Variants in MPP3 observed in about 807,000 individuals in gnomAD.
MPP3 encodes MAGUK p55 subfamily member 3.
MPP3 carries 48 observed loss-of-function variants against 80.7 expected under a neutral mutation model. The ratio of observed to expected loss-of-function variants is 0.59; its 90% CI spans 0.47 to 0.76. The LOEUF (loss-of-function observed/expected upper bound fraction) is 0.76, where lower values mean the gene tolerates loss of function less well. Among genes scored for constraint, MPP3 ranks in the 30% least tolerant of loss-of-function variants. The pLI, the probability that MPP3 is intolerant of heterozygous loss-of-function variation, is 0.00. For synonymous variants in MPP3, 311 were observed against 297.6 expected, an observed-to-expected ratio of 1.04 and a Z score of -0.46; for missense variants, 620 against 763.0, an observed-to-expected ratio of 0.81 and a Z score of 2.21.
chr17:43,808,789 A>G (rs1345479742), intron 19 of MPP3, among the ~76,000 whole-genome samples, 167 bp downstream of exon 19: 1 of 145,828 alleles, frequency 6.9e-6, no homozygotes, highest in Non-Finnish European at 1.5e-5. Context: ...CTGGCCATGT[A>G]ATCATCTTCT....
intron 10 of MPP3, among the ~76,000 whole-genome samples, chr17:43,822,678 T>TTAAAAAAAAAA (rs563055525): frequency 1.7e-5 from 1 of 59,072 alleles, no homozygotes; most frequent in Non-Finnish European, 2.8e-5. Context: ...ACTCCCATCC[T>TTAAAAAAAAAA]AAAAAAAAAA....
chr17:43,831,842 T>C, intron 3 of MPP3, 40 bp downstream of exon 3: 1 of 1,582,112 alleles, frequency 6.3e-7, no homozygotes, highest in Middle Eastern at 2.1e-4. Context: ...GGCTCTTGTC[T>C]TCAGGACTGT....
rs1451519735 is a variant in MPP3 at position 43,814,215 on chromosome 17, G to A, written c.1156C>T (p.Arg386Cys). The A allele has an allele frequency of 2.5e-6, 4 of 1,613,496 alleles. No homozygotes were observed. The highest frequency in any genetic ancestry group is 4.5e-5 in the East Asian group (2 of 44,858). ...CACCTACCGATCAGAACCACCAGGC[G>A]GGGCCGCTCTCCGGGCTGGTGTTGG... is the stretch of plus-strand genomic sequence containing the variant. ...RYQHQPGERPRLVVLIGSLGA... is the reference protein window; with the variant it reads ...RYQHQPGERPCLVVLIGSLGA... The change falls in exon 15 of 20, where the codon CGC (arginine) becomes TGC (cysteine). Residue 386 changes from arginine (R) to cysteine (C), a missense_variant. By Grantham distance (180) the Arg-to-Cys change is radical (BLOSUM62 -3). Coordinates refer to ENST00000398389, the MANE Select transcript of MPP3 (RefSeq NM_001932.6).
chr17:43,802,127 C>A (rs901987146), intron 19 of MPP3, among the ~76,000 whole-genome samples: 29 of 152,134 alleles, frequency 1.9e-4, no homozygotes, highest in African/African-American at 7.0e-4. Context: ...CTCCTGAGGA[C>A]CTATGAACTC....
chr17:43,831,709 A>C, intron 3 of MPP3, 32 bp from the exon 4 acceptor site: 2 of 1,565,068 alleles, frequency 1.3e-6, no homozygotes, highest in Non-Finnish European at 1.8e-6. Context: ...AAAGGATAGC[A>C]AACGCAGTGG....
intron 7 of MPP3, among the ~76,000 whole-genome samples, chr17:43,828,991 A>C (rs2045839130): frequency 6.6e-6 from 1 of 152,238 alleles, no homozygotes; most frequent in Non-Finnish European, 1.5e-5. Context: ...AGTTGGAAAT[A>C]GAGAATGCCA....
chr17:43,814,361 G>GGT lies in MPP3; in HGVS notation c.1010-1_1010insAC (p.Ala337AspfsTer34). On this transcript the variant is annotated frameshift_variant and splice_region_variant. Coordinates refer to ENST00000398389, the MANE Select transcript of MPP3 (RefSeq NM_001932.6). LOFTEE classifies it high-confidence loss of function. Reference sequence around the variant, plus strand: ...CAGCCGGAAGCTCCTCCGAAGACCAGCTTGGGAGGAGGGGCAGAGGGACAC... The same window carrying GGT: ...CAGCCGGAAGCTCCTCCGAAGACCAGGTCTTGGGAGGAGGGGCAGAGGGACAC... The GGT allele has an allele frequency of 6.3e-7, 1 of 1,598,260 alleles. No individual in the cohort carries two copies. Among genetic ancestry groups the GGT allele is most frequent in the South Asian group, 1.1e-5 (1 of 90,036 alleles).
chr17:43,809,344 C>T (rs1002825319), intron 18 of MPP3, among the ~76,000 whole-genome samples: 3 of 152,178 alleles, frequency 2.0e-5, no homozygotes, highest in Non-Finnish European at 4.4e-5. Context: ...GAGACAGTTG[C>T]TGTCTCTCTT....
At chr17:43,825,922 C>CT (rs2045675508) in intron 8 of MPP3, 81 bp from the exon 9 acceptor site, 1 of 900,058 alleles carries the variant, frequency 1.1e-6, no homozygotes, top group African/African-American at 1.6e-5. Flanking sequence ...ACCACAGGGG[C>CT]CGGCCTGAGA....
At chr17:43,816,582 T>C (rs990637373) in intron 13 of MPP3, 95 bp downstream of exon 13, 25 of 1,177,548 alleles carry the variant, frequency 2.1e-5, no homozygotes, top group Non-Finnish European at 3.1e-5. Context: ...GGGGCACAGC[T>C]GCCCAGATAG....
chr17:43,823,914 G>A lies in MPP3; in HGVS notation c.684+17C>T, dbSNP rs1440317370. ...TCTCAAGCTGAGAGAGGGCACCGCGGACCCACCTCCCCATACCTTGCTCTC... is the reference window on the plus strand; with the variant it reads ...TCTCAAGCTGAGAGAGGGCACCGCGAACCCACCTCCCCATACCTTGCTCTC... On this transcript the variant is annotated intron_variant, in intron 10 of 19. Transcript: ENST00000398389. The A allele has an allele frequency of 6.2e-7, 1 of 1,600,462 alleles. No individual in the cohort carries two copies. The highest frequency in any genetic ancestry group is 2.3e-5 in the East Asian group (1 of 44,064).
intron 4 of MPP3, 90 bp downstream of exon 4, chr17:43,831,469 C>T: frequency 7.6e-7 from 1 of 1,312,888 alleles, no homozygotes. Context: ...CTTCCTGGGG[C>T]AGGGAGATGA....
intron 16 of MPP3, among the ~76,000 whole-genome samples, chr17:43,812,273 G>A (rs1366945321): frequency 6.6e-6 from 1 of 152,200 alleles, no homozygotes; most frequent in East Asian, 1.9e-4. Context: ...GAGGCACTGT[G>A]TCTTCTGGCC....
At chr17:43,832,008 T>G in intron 2 of MPP3, 65 bp from the exon 3 acceptor site, 1 of 987,238 alleles carries the variant, frequency 1.0e-6, no homozygotes, top group African/African-American at 1.6e-5. Context: ...ACAAACTGAC[T>G]ACACATCTAC....
chr17:43,815,992 T>C (rs8081646), intron 14 of MPP3, 46 bp downstream of exon 14: 295,214 of 1,454,020 alleles, frequency 0.2, 31,303 homozygotes, highest in Middle Eastern at 0.22. Context: ...TCTGGGGCCT[T>C]GGGTGGGGCA....
intron 16 of MPP3, 95 bp from the exon 17 acceptor site, chr17:43,811,300 C>T: frequency 1.1e-6 from 1 of 914,878 alleles, no homozygotes; most frequent in African/African-American, 1.6e-5. Flanking sequence ...GAGTTCACTG[C>T]TGCTGTGTCT....
chr17:43,830,158 A>G (rs756543727), intron 5 of MPP3, 51 bp from the exon 6 acceptor site: 156 of 1,368,888 alleles, frequency 1.1e-4, no homozygotes, highest in Non-Finnish European at 1.4e-4. Context: ...CCCCTGCCCC[A>G]TATCTGCTGG....
chr17:43,807,796 A>C (rs2044682347), intron 19 of MPP3, among the ~76,000 whole-genome samples: 1 of 152,018 alleles, frequency 6.6e-6, no homozygotes, highest in Admixed American at 6.5e-5. Context: ...TCTCTATAAA[A>C]AAATTTTTTT....
intron 14 of MPP3, 22 bp downstream of exon 14, chr17:43,816,016 G>C (rs2045108811): frequency 6.7e-7 from 1 of 1,483,006 alleles, no homozygotes; most frequent in South Asian, 1.4e-5. Context: ...CGTGCATGTG[G>C]GTGTCAGGGG....
Sources: gnomAD v4.1 joint callset for allele counts (sites outside exome capture counted in the v4.1 genomes callset) on GRCh38, gnomAD v4.1.1 for gene constraint, MANE v1.5 for transcripts, NCBI Gene and HGNC (gene_info 2026-07-23, HGNC 2026-07-21) for gene names.